Variants in DYNC1I1 observed in about 807,000 individuals in gnomAD.
The protein encoded by DYNC1I1 is dynein cytoplasmic 1 intermediate chain 1, also known as cytoplasmic dynein 1 intermediate chain 1.
Under a neutral mutation model 86.6 loss-of-function variants are expected in DYNC1I1, and 43 were observed. The observed-to-expected ratio is 0.50, with a 90% confidence interval of 0.39 to 0.64. The LOEUF is 0.64. DYNC1I1 is among the 30% of genes least tolerant of loss of function. The probability of loss-of-function intolerance (pLI) is 0.00; values close to 1 mark genes in which losing one functional copy is unlikely to be tolerated. For missense variants in DYNC1I1, 604 were observed against 788.8 expected, an observed-to-expected ratio of 0.77 and a Z score of 2.81; for synonymous variants, 262 against 283.7, an observed-to-expected ratio of 0.92 and a Z score of 0.77.
At chr7:95,968,824 C>CTGTGTGTGTGTG (rs56022930) in intron 6 of DYNC1I1, among the ~76,000 whole-genome samples, 997 of 94,334 alleles carry the variant, frequency 0.011, 12 homozygotes, top group Non-Finnish European at 0.016. Context: ...ATTTTTTGCT[C>CTGTGTGTGTGTG]TGTGTGTGTG....
intron 7 of DYNC1I1, among the ~76,000 whole-genome samples, chr7:95,978,557 C>T (rs558847785): frequency 5.3e-4 from 80 of 151,604 alleles, no homozygotes; most frequent in African/African-American, 1.8e-3. Context: ...TTCCATATTT[C>T]CTAATGAGTG....
intron 15 of DYNC1I1, among the ~76,000 whole-genome samples, chr7:96,079,732 C>T (rs191491004): frequency 1.5e-4 from 23 of 152,042 alleles, no homozygotes; most frequent in African/African-American, 3.6e-4. Context: ...TATTACACTT[C>T]GGTACTGCCA....
chr7:95,851,091 C>T (rs919201783), intron 5 of DYNC1I1, among the ~76,000 whole-genome samples: 1 of 137,230 alleles, frequency 7.3e-6, no homozygotes, highest in African/African-American at 2.5e-5. Context: ...GTACCCTACA[C>T]ACCTGGCTAA....
chr7:96,109,582 G>T (rs943637250), intron 16 of DYNC1I1, among the ~76,000 whole-genome samples: 3 of 151,818 alleles, frequency 2.0e-5, no homozygotes, highest in Admixed American at 1.3e-4. Context: ...TATATGTTGT[G>T]TTTTCATTTT....
At position 96,071,790 on chromosome 7, in the gene DYNC1I1, T is replaced by A. The variant is rs535685092; in HGVS notation, c.1510-4267T>A. On this transcript the variant is annotated intron_variant, in intron 14 of 16. Coordinates refer to ENST00000447467, the MANE Select transcript of DYNC1I1 (RefSeq NM_001135556.2). ...AATAAGCATCTGACTGCATTATTTTTAAACTGTTTCTACAAGTTACATAGT... is the reference window on the plus strand; with the variant it reads ...AATAAGCATCTGACTGCATTATTTTAAAACTGTTTCTACAAGTTACATAGT... Among the ~76,000 whole-genome samples, 15 of 152,342 alleles carry A rather than the reference T, an allele frequency of 9.8e-5. No homozygotes were observed. In the South Asian group the frequency reaches 2.5e-3, roughly 25 times the overall value.
At chr7:96,103,880 G>A (rs896343739) in intron 16 of DYNC1I1, among the ~76,000 whole-genome samples, 6 of 152,154 alleles carry the variant, frequency 3.9e-5, no homozygotes, top group Non-Finnish European at 5.9e-5. Flanking sequence ...CCAAAGTGCT[G>A]GGATTACAGG....
chr7:95,819,945 A>G (rs1326068633), intron 4 of DYNC1I1, among the ~76,000 whole-genome samples: 1 of 152,190 alleles, frequency 6.6e-6, no homozygotes, highest in Non-Finnish European at 1.5e-5. Context: ...TTCTAGAGAA[A>G]CTGCTTGCTT....
chr7:95,928,722 G>T (rs1157059888), intron 6 of DYNC1I1, among the ~76,000 whole-genome samples: 2 of 152,310 alleles, frequency 1.3e-5, no homozygotes, highest in African/African-American at 2.4e-5. Flanking sequence ...ACTGGGAAAT[G>T]ATTTCAACTG....
Position 95,810,378 on chromosome 7 carries a change from A to G in DYNC1I1, c.109-14A>G. ...GTTATGTTATTAACTTTTCTTACTG[A>G]CGTCTACTTCTAGGCTGATATGCAG... On this transcript the variant is annotated splice_polypyrimidine_tract_variant and intron_variant, in intron 2 of 16. Transcript: ENST00000447467. 1 of 1,582,276 alleles carries G rather than the reference A, an allele frequency of 6.3e-7. No individual in the cohort carries two copies. Among genetic ancestry groups the G allele is most frequent in the Non-Finnish European group, 8.6e-7 (1 of 1,166,194 alleles).
At chr7:95,794,892 C>G (rs747868846) in intron 1 of DYNC1I1, among the ~76,000 whole-genome samples, 6 of 152,122 alleles carry the variant, frequency 3.9e-5, no homozygotes, top group Non-Finnish European at 8.8e-5. Context: ...TTGAGAGGAA[C>G]CTAGAAAAAT....
intron 1 of DYNC1I1, among the ~76,000 whole-genome samples, chr7:95,784,902 T>TG (rs1794088586): frequency 6.6e-6 from 1 of 152,340 alleles, no homozygotes; most frequent in South Asian, 2.1e-4. Context: ...GTATTATTCT[T>TG]TCTTTTGGCC....
chr7:96,094,047 G>A (rs1473929878), intron 16 of DYNC1I1, among the ~76,000 whole-genome samples: 1 of 152,018 alleles, frequency 6.6e-6, no homozygotes, highest in Non-Finnish European at 1.5e-5. Context: ...ACTGAAGGAA[G>A]GTAAATTTTA....
chr7:96,083,541 A>G (rs1584308491), intron 16 of DYNC1I1, among the ~76,000 whole-genome samples: 1 of 152,100 alleles, frequency 6.6e-6, no homozygotes, highest in Non-Finnish European at 1.5e-5. Flanking sequence ...GACAGAACAT[A>G]ACTGTGCTTA....
intron 6 of DYNC1I1, among the ~76,000 whole-genome samples, chr7:95,902,578 C>T (rs1791066909): frequency 6.6e-6 from 1 of 152,168 alleles, no homozygotes; most frequent in Non-Finnish European, 1.5e-5. Context: ...TATGTTATTG[C>T]TATGCTTGAC....
At position 96,095,966 on chromosome 7, in the gene DYNC1I1, C is replaced by T. The variant is rs201751338; in HGVS notation, c.1777-1517C>T. Among the ~76,000 whole-genome samples the T allele has an allele frequency of 5.5e-4, 84 of 152,138 alleles. 2 individuals carry two copies. In the East Asian group the frequency reaches 0.014, roughly 26 times the overall value. On this transcript the variant is annotated intron_variant, in intron 16 of 16. Transcript: ENST00000447467. ...CCTACAAAGAAATTTGGATTCATTTCAATAATTATAGTAGCATTTAACCAT... is the reference window on the plus strand; with the variant it reads ...CCTACAAAGAAATTTGGATTCATTTTAATAATTATAGTAGCATTTAACCAT...
intron 6 of DYNC1I1, among the ~76,000 whole-genome samples, chr7:95,904,793 A>G (rs1791132205): frequency 1.3e-5 from 2 of 152,184 alleles, no homozygotes; most frequent in Non-Finnish European, 2.9e-5. Flanking sequence ...ATTGTCAGTT[A>G]AAGTGTATGT....
intron 5 of DYNC1I1, among the ~76,000 whole-genome samples, chr7:95,844,706 G>A (rs1338268319): frequency 1.3e-5 from 2 of 152,000 alleles, no homozygotes; most frequent in Admixed American, 6.6e-5. Context: ...GCCCCAGGAC[G>A]GACTGGTGGA....
chr7:95,793,916 T>C (rs1794372675), intron 1 of DYNC1I1, among the ~76,000 whole-genome samples: 1 of 152,246 alleles, frequency 6.6e-6, no homozygotes, highest in African/African-American at 2.4e-5. Context: ...CCTTTCTATG[T>C]GCTCCTTGGG....
chr7:96,110,245 G>A (rs1030085747), downstream of DYNC1I1: 11 of 236,846 alleles, frequency 4.6e-5, no homozygotes, highest in East Asian at 1.6e-4. Context: ...ATGTGTTTGC[G>A]ATGAACTGAC....
Sources: allele counts gnomAD v4.1 joint callset (sites outside exome capture counted in the v4.1 genomes callset), GRCh38; gene constraint gnomAD v4.1.1; transcripts MANE v1.5; gene names NCBI Gene and HGNC (gene_info 2026-07-23, HGNC 2026-07-21).